Variants in SCYL2 observed in about 807,000 individuals in gnomAD.
SCYL2 encodes the protein SCY1-like protein 2.
SCYL2 carries 36 observed loss-of-function variants against 100.4 expected under a neutral mutation model. The observed-to-expected ratio is 0.36, with a 90% CI of 0.27 to 0.47. The LOEUF (loss-of-function observed/expected upper bound fraction) is 0.47. Ranked by LOEUF, SCYL2 falls within the 20% of genes least tolerant of loss-of-function variation. The pLI, the probability that SCYL2 is intolerant of heterozygous loss-of-function variation, is 1.00. For synonymous variants in SCYL2, 330 were observed against 359.2 expected (o/e 0.92, Z 0.92); for missense variants, 902 against 1,083.9 (o/e 0.83, Z 2.36).
chr12:100,322,118 A>T (rs1437590063), intron 10 of SCYL2, among the ~76,000 whole-genome samples: 2 of 151,054 alleles, frequency 1.3e-5, no homozygotes, highest in Non-Finnish European at 3.0e-5. Flanking sequence ...CACGCCTGTA[A>T]TCCCAGCACT....
intron 4 of SCYL2, among the ~76,000 whole-genome samples, chr12:100,298,507 T>A (rs1205151163): frequency 6.6e-6 from 1 of 152,236 alleles, no homozygotes; most frequent in Non-Finnish European, 1.5e-5. Flanking sequence ...AAAAATTTTA[T>A]CTTTAAGGAA....
chr12:100,271,936 C>A (rs2096288083), intron 1 of SCYL2, among the ~76,000 whole-genome samples: 1 of 152,126 alleles, frequency 6.6e-6, no homozygotes, highest in Non-Finnish European at 1.5e-5. Flanking sequence ...CATGAGCAGG[C>A]AGGACTGAAA....
At chr12:100,295,524 C>T (rs1221249606) in intron 3 of SCYL2, among the ~76,000 whole-genome samples, 4 of 151,930 alleles carry the variant, frequency 2.6e-5, no homozygotes, top group Non-Finnish European at 5.9e-5. Flanking sequence ...AGCGAAACCC[C>T]GTCTCCACCA....
chr12:100,315,642 C>G lies in SCYL2; in HGVS notation c.1180C>G (p.Leu394Val). The G allele has an allele frequency of 1.9e-6, 3 of 1,611,632 alleles. No homozygotes were observed. The highest frequency in any genetic ancestry group is 2.5e-6 in the Non-Finnish European group (3 of 1,178,692). The change falls in exon 9 of 18, where the codon CTA (leucine) becomes GTA (valine). Residue 394 changes from leucine (L) to valine (V), a missense_variant. Transcript: ENST00000360820. Reference sequence around the variant, plus strand: ...GGTACCTTTTGTTTTGCCCAATGTTCTACTTATTGCTGAGGAATGCACCAA... The same window carrying G: ...GGTACCTTTTGTTTTGCCCAATGTTGTACTTATTGCTGAGGAATGCACCAA... ...DMVPFVLPNV[L>V]LIAEECTKEE...
chr12:100,301,987 AG>A (rs2096328277), intron 4 of SCYL2, among the ~76,000 whole-genome samples: 1 of 152,208 alleles, frequency 6.6e-6, no homozygotes, highest in Non-Finnish European at 1.5e-5. Flanking sequence ...GAATCCCGCC[AG>A]GACTGGGTCC....
intron 11 of SCYL2, among the ~76,000 whole-genome samples, chr12:100,324,351 C>G (rs2096359477): frequency 6.6e-6 from 1 of 152,064 alleles, no homozygotes; most frequent in African/African-American, 2.4e-5. Context: ...AAAATAGCAG[C>G]TTTAAAGAGG....
chr12:100,322,061 G>GA (rs1191329749), intron 10 of SCYL2, among the ~76,000 whole-genome samples: 22 of 126,336 alleles, frequency 1.7e-4, no homozygotes, highest in South Asian at 5.1e-4. Context: ...AAAAAAAAAA[G>GA]AAAAAAAAAC....
At chr12:100,331,835 T>C (rs1274533571) in intron 13 of SCYL2, among the ~76,000 whole-genome samples, 1 of 152,220 alleles carries the variant, frequency 6.6e-6, no homozygotes, top group Non-Finnish European at 1.5e-5. Flanking sequence ...AAATCTATTA[T>C]ACATTAAGTG....
intron 1 of SCYL2, among the ~76,000 whole-genome samples, chr12:100,278,918 G>A (rs1330763354): frequency 2.6e-5 from 4 of 152,086 alleles, no homozygotes; most frequent in Admixed American, 6.6e-5. Context: ...GTGAGCCACC[G>A]CGCCTGGCCA....
chr12:100,299,067 T>A (rs575680436), intron 4 of SCYL2, among the ~76,000 whole-genome samples: 1 of 152,078 alleles, frequency 6.6e-6, no homozygotes, highest in Non-Finnish European at 1.5e-5. Flanking sequence ...ACCTTGTTTC[T>A]ACAAAAAAAT....
At chr12:100,285,494 C>G (rs1239299940) in intron 2 of SCYL2, among the ~76,000 whole-genome samples, 1 of 152,120 alleles carries the variant, frequency 6.6e-6, no homozygotes, top group Non-Finnish European at 1.5e-5. Flanking sequence ...AATAATTTTT[C>G]CGGTGTGGTG....
chr12:100,337,358 G>A (rs1036685912), intron 16 of SCYL2, 29 bp from the exon 17 acceptor site: 3 of 1,598,386 alleles, frequency 1.9e-6, no homozygotes, highest in African/African-American at 2.7e-5. Flanking sequence ...TAAATTGCCG[G>A]TTGATTTTTT....
At chr12:100,303,290 C>T (rs1752290151) in intron 4 of SCYL2, among the ~76,000 whole-genome samples, 1 of 152,134 alleles carries the variant, frequency 6.6e-6, no homozygotes, top group Non-Finnish European at 1.5e-5. Context: ...TGTTCCCTCA[C>T]TGGTGAGGAG....
chr12:100,283,552 G>A (rs1015955669), intron 2 of SCYL2, among the ~76,000 whole-genome samples: 5 of 152,136 alleles, frequency 3.3e-5, no homozygotes, highest in African/African-American at 1.2e-4. Flanking sequence ...AACGTTAAGT[G>A]CGTCTTAGTG....
At chr12:100,276,603 G>A (rs1020917310) in intron 1 of SCYL2, among the ~76,000 whole-genome samples, 4 of 152,172 alleles carry the variant, frequency 2.6e-5, no homozygotes, top group African/African-American at 9.7e-5. Flanking sequence ...GTCCCAGAGT[G>A]TTGGGATTAC....
intron 2 of SCYL2, among the ~76,000 whole-genome samples, chr12:100,290,922 T>C (rs1037318947): frequency 6.6e-6 from 1 of 152,142 alleles, no homozygotes; most frequent in Non-Finnish European, 1.5e-5. Context: ...TTTAGTAGTA[T>C]AAAATAAGCT....
Position 100,312,576 on chromosome 12 carries a change from G to C in SCYL2, c.775G>C (p.Val259Leu). 1 of 1,612,870 alleles carries C rather than the reference G, an allele frequency of 6.2e-7. No individual in the cohort carries two copies. The highest frequency in any genetic ancestry group is 1.1e-5 in the South Asian group (1 of 91,028). ...TTCTTTAGGAACTGTTATGTATGCT[G>C]TATTTAATAAAGGGAAACCTATATT... ...MYSLGTVMYA[V>L]FNKGKPIFEV... Residue 259 changes from valine (V) to leucine (L), a missense_variant, in exon 6 of 18, where the codon GTA becomes CTA. By Grantham distance (32) the Val-to-Leu change is conservative (BLOSUM62 1). Transcript: ENST00000360820.
chr12:100,318,064 T>G (rs2096351153), intron 10 of SCYL2, 139 bp downstream of exon 10: 3 of 739,520 alleles, frequency 4.1e-6, no homozygotes, highest in Non-Finnish European at 6.1e-6. Flanking sequence ...ATCACATTAT[T>G]GATATACTGT....
At chr12:100,290,353 T>C (rs760810864) in intron 2 of SCYL2, among the ~76,000 whole-genome samples, 8 of 152,194 alleles carry the variant, frequency 5.3e-5, no homozygotes, top group Non-Finnish European at 1.0e-4. Flanking sequence ...GTTACAGTGC[T>C]AAATAATTCC....
Sources: allele counts gnomAD v4.1 joint callset (sites outside exome capture counted in the v4.1 genomes callset), GRCh38; gene constraint gnomAD v4.1.1; transcripts MANE v1.5; gene names NCBI Gene and HGNC (gene_info 2026-07-23, HGNC 2026-07-21).